FSTL4: variants seen among roughly 807,000 people sequenced by gnomAD.
The protein encoded by FSTL4 is follistatin-related protein 4.
Under a neutral mutation model 78.2 loss-of-function variants are expected in FSTL4, and 28 were observed. The ratio of observed to expected loss-of-function variants is 0.36; its 90% CI spans 0.27 to 0.49. The LOEUF is 0.49. Ranked by LOEUF, FSTL4 falls within the 20% of genes least tolerant of loss-of-function variation. The pLI is 0.98. For synonymous variants in FSTL4, 422 were observed against 440.5 expected (o/e 0.96, Z 0.53); for missense variants, 922 against 1,084.9 (o/e 0.85, Z 2.11).
At chr5:133,462,498 C>T (rs1757612380) in intron 3 of FSTL4, among the ~76,000 whole-genome samples, 1 of 152,254 alleles carries the variant, frequency 6.6e-6, no homozygotes, top group Non-Finnish European at 1.5e-5. Flanking sequence ...CAAAGTAGCA[C>T]ATGTGGAGGA....
intron 8 of FSTL4, among the ~76,000 whole-genome samples, chr5:133,231,204 T>C (rs1249120308): frequency 6.6e-6 from 1 of 152,102 alleles, no homozygotes; most frequent in Non-Finnish European, 1.5e-5. Context: ...CCCTTCTCTT[T>C]ATCCCAGTTT....
At chr5:133,499,369 TACACACACACACACACACACACAC>T (rs57363602) in intron 3 of FSTL4, among the ~76,000 whole-genome samples, 3 of 126,694 alleles carry the variant, frequency 2.4e-5, no homozygotes, top group South Asian at 3.2e-4. Flanking sequence ...ACAAGGGGAA[TACACACACACACACACACACACAC>T]ACACACACAC....
chr5:133,838,707 G>T, the FSTL4 span, among the ~76,000 whole-genome samples: 2 of 151,312 alleles, frequency 1.3e-5, no homozygotes, highest in African/African-American at 4.8e-5. Context: ...GCTACCAAAA[G>T]CATGTATCCC....
At chr5:133,534,613 A>C (rs1759316757) in intron 3 of FSTL4, among the ~76,000 whole-genome samples, 1 of 152,224 alleles carries the variant, frequency 6.6e-6, no homozygotes, top group Non-Finnish European at 1.5e-5. Context: ...GGTTGAAGGA[A>C]CATAGCCCCA....
the FSTL4 span, among the ~76,000 whole-genome samples, chr5:133,740,641 T>C: frequency 2.0e-5 from 3 of 152,186 alleles, no homozygotes; most frequent in Non-Finnish European, 4.4e-5. Flanking sequence ...CTCGATTTTC[T>C]CTACACCATT....
chr5:133,528,552 T>A (rs1388005000), intron 3 of FSTL4, among the ~76,000 whole-genome samples: 1 of 152,194 alleles, frequency 6.6e-6, no homozygotes, highest in African/African-American at 2.4e-5. Context: ...TCCTCCTCCC[T>A]GAGCTTGTCA....
intron 4 of FSTL4, among the ~76,000 whole-genome samples, chr5:133,374,515 C>T (rs1755386042): frequency 6.6e-6 from 1 of 152,148 alleles, no homozygotes; most frequent in African/African-American, 2.4e-5. Context: ...ACTTTCCAAT[C>T]ATATTCTTGG....
chr5:133,749,649 T>C, the FSTL4 span, among the ~76,000 whole-genome samples: 1 of 152,120 alleles, frequency 6.6e-6, no homozygotes, highest in Non-Finnish European at 1.5e-5. Context: ...CCTTATCTCC[T>C]ATGGAAGGGA....
At chr5:133,691,392 A>T in the FSTL4 span, among the ~76,000 whole-genome samples, 3 of 152,062 alleles carry the variant, frequency 2.0e-5, no homozygotes, top group African/African-American at 7.2e-5. Context: ...CTCCCACCAG[A>T]TGGATGCCCC....
intron 4 of FSTL4, among the ~76,000 whole-genome samples, chr5:133,341,419 CATACCCCA>C (rs1471956076): frequency 2.0e-5 from 3 of 152,130 alleles, no homozygotes; most frequent in South Asian, 2.1e-4. Context: ...GGCTGGCTCT[CATACCCCA>C]GAACACGGCT....
chr5:133,818,672 A>C, the FSTL4 span, among the ~76,000 whole-genome samples: 1 of 151,846 alleles, frequency 6.6e-6, no homozygotes, highest in African/African-American at 2.4e-5. Context: ...TCCAAACCAC[A>C]GAGGGCTGCA....
chr5:133,313,440 A>C (rs1469715230), intron 5 of FSTL4, among the ~76,000 whole-genome samples: 1 of 152,064 alleles, frequency 6.6e-6, no homozygotes. Context: ...TTGTGGTCTG[A>C]GCCATAGGAC....
At chr5:133,515,263 A>T (rs1350665270) in intron 3 of FSTL4, among the ~76,000 whole-genome samples, 1 of 152,178 alleles carries the variant, frequency 6.6e-6, no homozygotes, top group Non-Finnish European at 1.5e-5. Flanking sequence ...ATGGTGGCTC[A>T]CACCTGTAAT....
chr5:133,505,162 C>T (rs945091795), intron 3 of FSTL4, among the ~76,000 whole-genome samples: 4 of 151,988 alleles, frequency 2.6e-5, no homozygotes, highest in African/African-American at 9.7e-5. Context: ...ATAACAAAGA[C>T]TATTTCTAGG....
At chr5:133,413,716 C>T (rs947263856) in intron 3 of FSTL4, among the ~76,000 whole-genome samples, 4 of 151,966 alleles carry the variant, frequency 2.6e-5, no homozygotes, top group East Asian at 1.9e-4. Flanking sequence ...TTATCTCTTT[C>T]GCATTTCCCA....
chr5:133,367,291 A>C (rs1415197101), intron 4 of FSTL4, among the ~76,000 whole-genome samples: 2 of 152,222 alleles, frequency 1.3e-5, no homozygotes, highest in African/African-American at 4.8e-5. Flanking sequence ...ATATCCCCAC[A>C]AAGTGGAACA....
intron 4 of FSTL4, among the ~76,000 whole-genome samples, chr5:133,326,675 G>T (rs926378816): frequency 6.6e-6 from 1 of 152,216 alleles, no homozygotes; most frequent in African/African-American, 2.4e-5. Context: ...CCAAGGCCCA[G>T]TTCCACAGAG....
At chr5:133,469,042 CT>C (rs1757766424) in intron 3 of FSTL4, among the ~76,000 whole-genome samples, 1 of 152,156 alleles carries the variant, frequency 6.6e-6, no homozygotes, top group Admixed American at 6.5e-5. Context: ...TACTTTTGCA[CT>C]GACCTCACAG....
At chr5:133,821,667 A>T in the FSTL4 span, among the ~76,000 whole-genome samples, 1 of 152,144 alleles carries the variant, frequency 6.6e-6, no homozygotes, top group African/African-American at 2.4e-5. Flanking sequence ...GGAAGAGGGC[A>T]CTGTGGAGGA....
Sources: allele counts gnomAD v4.1 joint callset (sites outside exome capture counted in the v4.1 genomes callset), GRCh38; gene constraint gnomAD v4.1.1; transcripts MANE v1.5; gene names NCBI Gene and HGNC (gene_info 2026-07-23, HGNC 2026-07-21).